KHDRBS2: variants seen among roughly 807,000 people sequenced by gnomAD.
KHDRBS2 encodes KH RNA binding domain containing, signal transduction associated 2.
Under a neutral mutation model 44.3 loss-of-function variants are expected in KHDRBS2, and 26 were observed. The observed-to-expected ratio is 0.59, with a 90% CI of 0.43 to 0.81. The LOEUF is 0.81. Among genes scored for constraint, KHDRBS2 ranks in the 40% least tolerant of loss-of-function variants. KHDRBS2 has a pLI of 0.00. For synonymous variants in KHDRBS2, 194 were observed against 151.1 expected, an observed-to-expected ratio of 1.28 and a Z score of -2.08; for missense variants, 476 against 433.1, an observed-to-expected ratio of 1.10 and a Z score of -0.88.
intron 1 of KHDRBS2, among the ~76,000 whole-genome samples, chr6:62,216,411 G>A (rs754788466): frequency 6.6e-6 from 1 of 151,788 alleles, no homozygotes; most frequent in Non-Finnish European, 1.5e-5. Flanking sequence ...TAATATGTTT[G>A]TTTTAAACAT....
chr6:62,240,697 T>C, intron 1 of KHDRBS2, among the ~76,000 whole-genome samples: 1 of 131,964 alleles, frequency 7.6e-6, no homozygotes, highest in Non-Finnish European at 1.6e-5. Flanking sequence ...TATATATATA[T>C]ATATATATAT....
At chr6:61,984,918 C>T (rs1237357048) in intron 3 of KHDRBS2, among the ~76,000 whole-genome samples, 2 of 152,136 alleles carry the variant, frequency 1.3e-5, no homozygotes, top group Admixed American at 6.5e-5. Context: ...ATTTGTTCTG[C>T]AATTATAAGC....
the KHDRBS2 span, among the ~76,000 whole-genome samples, chr6:61,638,137 T>A: frequency 1.3e-5 from 2 of 152,064 alleles, no homozygotes; most frequent in East Asian, 1.9e-4. Context: ...GACTTTCTTC[T>A]CAGAATTGGA....
intron 4 of KHDRBS2, among the ~76,000 whole-genome samples, chr6:61,947,466 A>G (rs1026905000): frequency 6.6e-6 from 1 of 152,122 alleles, no homozygotes; most frequent in Non-Finnish European, 1.5e-5. Flanking sequence ...TGTAGTATGA[A>G]GTAGAGATAT....
chr6:62,243,811 G>C (rs575258626), intron 1 of KHDRBS2, among the ~76,000 whole-genome samples: 3 of 152,132 alleles, frequency 2.0e-5, no homozygotes, highest in Admixed American at 1.3e-4. Context: ...TGAGAGGATG[G>C]GTTAGGTGGT....
At chr6:61,740,428 T>C (rs1235105934) in intron 6 of KHDRBS2, among the ~76,000 whole-genome samples, 6 of 151,904 alleles carry the variant, frequency 3.9e-5, no homozygotes, top group Non-Finnish European at 8.8e-5. Context: ...AAAGGGTTTA[T>C]CTATATCTAG....
chr6:61,687,663 T>G (rs1471952629), intron 8 of KHDRBS2, among the ~76,000 whole-genome samples: 1 of 151,890 alleles, frequency 6.6e-6, no homozygotes, highest in African/African-American at 2.4e-5. Flanking sequence ...TTGTGCTTAA[T>G]ATCTCCAATT....
the KHDRBS2 span, among the ~76,000 whole-genome samples, chr6:61,615,097 G>A: frequency 6.6e-6 from 1 of 151,434 alleles, no homozygotes; most frequent in East Asian, 1.9e-4. Flanking sequence ...GCCGGGTGTG[G>A]TGGTGCATGA....
intron 7 of KHDRBS2, among the ~76,000 whole-genome samples, chr6:61,701,080 G>T (rs1768577728): frequency 6.6e-6 from 1 of 151,826 alleles, no homozygotes; most frequent in Non-Finnish European, 1.5e-5. Flanking sequence ...ATACTTTAGG[G>T]TGAAAAACTG....
intron 6 of KHDRBS2, among the ~76,000 whole-genome samples, chr6:61,884,852 C>G (rs774841119): frequency 1.3e-4 from 20 of 152,046 alleles, no homozygotes; most frequent in African/African-American, 4.1e-4. Context: ...CTCTGTCCCC[C>G]CATAGAGATG....
At chr6:61,862,504 G>T (rs754401267) in intron 6 of KHDRBS2, among the ~76,000 whole-genome samples, 1 of 152,032 alleles carries the variant, frequency 6.6e-6, no homozygotes, top group Non-Finnish European at 1.5e-5. Context: ...TCAATACCTA[G>T]TTAATTGAGA....
chr6:61,631,296 C>A, the KHDRBS2 span, among the ~76,000 whole-genome samples: 1 of 78,514 alleles, frequency 1.3e-5, no homozygotes, highest in Admixed American at 2.0e-4. Context: ...GGGACACAGA[C>A]GAATAAGCCA....
intron 1 of KHDRBS2, among the ~76,000 whole-genome samples, chr6:62,198,070 G>A (rs1018847032): frequency 1.3e-5 from 2 of 151,928 alleles, no homozygotes; most frequent in African/African-American, 2.4e-5. Context: ...TCAGAATCTC[G>A]GGGACACATT....
chr6:62,168,080 T>G (rs1010668015), intron 2 of KHDRBS2, among the ~76,000 whole-genome samples: 1 of 152,148 alleles, frequency 6.6e-6, no homozygotes, highest in African/African-American at 2.4e-5. Context: ...CTGAACAGAA[T>G]AAGAAGAAGT....
intron 3 of KHDRBS2, among the ~76,000 whole-genome samples, chr6:61,988,714 TCA>T (rs761612467): frequency 2.2e-4 from 33 of 151,932 alleles, no homozygotes; most frequent in Non-Finnish European, 4.3e-4. Context: ...TTGGGAAAAA[TCA>T]GAAAAACCAA....
intron 2 of KHDRBS2, among the ~76,000 whole-genome samples, chr6:62,072,059 C>T (rs1168259053): frequency 2.6e-5 from 4 of 151,984 alleles, no homozygotes; most frequent in African/African-American, 9.7e-5. Context: ...TCTTTCACAT[C>T]CCTTGCAAGT....
chr6:61,968,111 A>G (rs1395406986), intron 4 of KHDRBS2, among the ~76,000 whole-genome samples: 1 of 151,730 alleles, frequency 6.6e-6, no homozygotes, highest in Non-Finnish European at 1.5e-5. Flanking sequence ...TTTAAATAGT[A>G]TTTTCTTTTA....
At chr6:62,035,520 G>A (rs1422118499) in intron 3 of KHDRBS2, among the ~76,000 whole-genome samples, 4 of 151,942 alleles carry the variant, frequency 2.6e-5, no homozygotes, top group African/African-American at 9.7e-5. Flanking sequence ...TGTGGGGAAA[G>A]GTAGGCATGG....
chr6:61,548,740 G>A, the KHDRBS2 span, among the ~76,000 whole-genome samples: 1 of 152,002 alleles, frequency 6.6e-6, no homozygotes. Flanking sequence ...TTTGATTAGT[G>A]ATATCAATAC....
Sources: allele counts gnomAD v4.1 joint callset (sites outside exome capture counted in the v4.1 genomes callset), GRCh38; gene constraint gnomAD v4.1.1; transcripts MANE v1.5; gene names NCBI Gene and HGNC (gene_info 2026-07-23, HGNC 2026-07-21).